The following PRUNE2 variants were observed in gnomAD, a reference collection of about 807,000 sequenced individuals.
The protein encoded by PRUNE2 is prune homolog 2 with BCH domain.
A neutral mutation model predicts 252.0 loss-of-function variants in PRUNE2; 164 were observed. That is an observed-to-expected ratio of 0.65 (90% CI 0.57 to 0.74). PRUNE2 has a LOEUF of 0.74. PRUNE2 is among the 30% of genes least tolerant of loss of function. PRUNE2 has a pLI of 0.00. For synonymous variants in PRUNE2, 1,292 were observed against 1,350.2 expected, an observed-to-expected ratio of 0.96 and a Z score of 0.94; for missense variants, 3,495 against 3,711.0, an observed-to-expected ratio of 0.94 and a Z score of 1.51.
intron 1 of PRUNE2, among the ~76,000 whole-genome samples, chr9:76,878,589 A>G (rs1467089786): frequency 6.6e-6 from 1 of 152,186 alleles, no homozygotes; most frequent in Non-Finnish European, 1.5e-5. Context: ...GGGTAAGAAT[A>G]TTACGTAGTC....
At chr9:76,797,703 G>T (rs1410533777) in intron 6 of PRUNE2, among the ~76,000 whole-genome samples, 2 of 144,110 alleles carry the variant, frequency 1.4e-5, no homozygotes, top group African/African-American at 5.2e-5. Flanking sequence ...CAAGTACACA[G>T]GATCACAAGG....
At chr9:76,896,048 T>C (rs2062802517) in intron 1 of PRUNE2, among the ~76,000 whole-genome samples, 1 of 152,228 alleles carries the variant, frequency 6.6e-6, no homozygotes, top group Non-Finnish European at 1.5e-5. Context: ...GTGCTGGGAT[T>C]ATTGGCATGA....
intron 1 of PRUNE2, among the ~76,000 whole-genome samples, chr9:76,891,055 G>T (rs2062442801): frequency 6.6e-6 from 1 of 152,242 alleles, no homozygotes; most frequent in Non-Finnish European, 1.5e-5. Context: ...TGATACAAAA[G>T]ATTGGTAGGG....
Position 76,655,455 on chromosome 9 carries a change from A to G in PRUNE2, c.8324T>C (p.Val2775Ala), listed in dbSNP as rs751840484. ...VGMDIPFEEG[V>A]LSPSAADMRP... The stretch of plus-strand genomic sequence containing the variant: ...CATGTCTGCAGCACTGGGACTCAGC[A>G]CGCCCTCTTCAAAGGGGATGTCCAT... Residue 2775 changes from valine to alanine, a missense_variant, in exon 10 of 19, where the codon GTG becomes GCG. Coordinates refer to ENST00000376718, the MANE Select transcript of PRUNE2 (RefSeq NM_015225.3). 3.7e-6 allele frequency: 6 copies of G among 1,612,868 alleles called. No homozygotes were observed. Among genetic ancestry groups the G allele is most frequent in the Non-Finnish European group, 5.1e-6 (6 of 1,179,496 alleles).
chr9:76,786,113 G>A (rs1407024869), intron 6 of PRUNE2: 1 of 152,186 alleles, frequency 6.6e-6, no homozygotes, highest in East Asian at 1.9e-4. Context: ...TCAATTCTCA[G>A]CAGAAGCCAG....
chr9:76,706,344 G>T lies in PRUNE2; in HGVS notation c.5930C>A (p.Ala1977Glu). The change falls in exon 8 of 19, where the codon GCA (alanine) becomes GAA (glutamate). Residue 1977 changes from alanine (A) to glutamate (E), a missense_variant. Transcript: ENST00000376718. ...AGATGTAACACAACTATTTTCCTCT[G>T]CGTGAGTAAAGGCTGTGTCCGGATG... ...CDHPDTAFTH[A>E]EENSCVTSNV... 6.2e-7 allele frequency: 1 copy of T among 1,613,952 alleles called. No individual in the cohort carries two copies. The highest frequency in any genetic ancestry group is 1.1e-5 in the South Asian group (1 of 91,092).
intron 9 of PRUNE2, among the ~76,000 whole-genome samples, chr9:76,699,411 A>G (rs191969257): frequency 5.3e-5 from 8 of 152,284 alleles, no homozygotes; most frequent in African/African-American, 1.9e-4. Flanking sequence ...ATTAACATTG[A>G]AATAGGCAGA....
At chr9:76,843,246 T>C (rs1007853758) in intron 4 of PRUNE2, among the ~76,000 whole-genome samples, 1 of 152,142 alleles carries the variant, frequency 6.6e-6, no homozygotes, top group Non-Finnish European at 1.5e-5. Flanking sequence ...ACACCACATG[T>C]TCTCACTCAT....
chr9:76,837,257 C>T (rs2059043891), intron 4 of PRUNE2, among the ~76,000 whole-genome samples: 1 of 152,014 alleles, frequency 6.6e-6, no homozygotes, highest in Admixed American at 6.5e-5. Flanking sequence ...TCCTGGCCAA[C>T]ATGGTGAAAC....
At chr9:76,838,716 GA>G (rs2059213384) in intron 4 of PRUNE2, among the ~76,000 whole-genome samples, 1 of 115,998 alleles carries the variant, frequency 8.6e-6, no homozygotes, top group South Asian at 2.8e-4. Flanking sequence ...TACACACAGT[GA>G]TGTTAAAACT....
chr9:76,774,446 A>T (rs919322091), intron 6 of PRUNE2, among the ~76,000 whole-genome samples: 1 of 58,040 alleles, frequency 1.7e-5, no homozygotes, highest in African/African-American at 1.2e-4. Context: ...CCTCCAGTTC[A>T]ACCCTTTTTT....
Position 76,899,156 on chromosome 9 carries a change from G to A in PRUNE2, c.36+6772C>T, listed in dbSNP as rs189718370. ...CTTGGTACAGTGGTTGGCCTTGGGG[G>A]AGCCCAACTTCTAGTCTTTGAGCCA... On this transcript the variant is annotated intron_variant, in intron 1 of 18. Coordinates refer to ENST00000376718, the MANE Select transcript of PRUNE2 (RefSeq NM_015225.3). 2.2e-3 allele frequency among the ~76,000 whole-genome samples: 331 copies of A among 152,316 alleles called. 2 individuals carry two copies. Among genetic ancestry groups the A allele is most frequent in the Middle Eastern group, 0.014 (4 of 294 alleles).
intron 6 of PRUNE2, among the ~76,000 whole-genome samples, chr9:76,750,777 A>G (rs1348911971): frequency 2.6e-5 from 4 of 152,194 alleles, no homozygotes; most frequent in African/African-American, 7.2e-5. Flanking sequence ...AGGCGCTTGT[A>G]TGAAAACCAA....
chr9:76,616,794 CAAT>C (rs954999695), intron 18 of PRUNE2, among the ~76,000 whole-genome samples: 2 of 151,944 alleles, frequency 1.3e-5, no homozygotes, highest in African/African-American at 4.8e-5. Context: ...AAGCTATTAA[CAAT>C]GATGCTAATT....
chr9:76,645,706 A>G (rs2133009334), intron 11 of PRUNE2, among the ~76,000 whole-genome samples: 1 of 152,268 alleles, frequency 6.6e-6, no homozygotes, highest in East Asian at 1.9e-4. Context: ...TTTTTACTAG[A>G]AGTATTAGTA....
chr9:76,664,812 C>T (rs1223306348), intron 9 of PRUNE2, among the ~76,000 whole-genome samples: 8 of 152,180 alleles, frequency 5.3e-5, no homozygotes, highest in East Asian at 1.9e-4. Context: ...TGCACCTGGC[C>T]GAGATTATTT....
At chr9:76,904,824 T>C (rs910049795) in intron 1 of PRUNE2, among the ~76,000 whole-genome samples, 6 of 152,220 alleles carry the variant, frequency 3.9e-5, no homozygotes, top group African/African-American at 9.6e-5. Flanking sequence ...CACACTTCCG[T>C]CTGCACTCTG....
At chr9:76,655,149 A>C (rs186501683) in intron 10 of PRUNE2, among the ~76,000 whole-genome samples, 33 of 152,330 alleles carry the variant, frequency 2.2e-4, no homozygotes, top group African/African-American at 7.9e-4. Context: ...TACAATATAC[A>C]GTAGCCAATT....
In PRUNE2 at chr9:76,696,923, C is replaced by T. The variant is rs113023585; in HGVS notation, c.8276+6414G>A. On this transcript the variant is annotated intron_variant, in intron 9 of 18. Coordinates refer to ENST00000376718, the MANE Select transcript of PRUNE2 (RefSeq NM_015225.3). ...GGGTCTAGGAAGAATAACAGCCGTA[C>T]TGCTCCTGTTCTTGGGCTACGCACT... 6.2e-3 allele frequency among the ~76,000 whole-genome samples: 939 copies of T among 152,368 alleles called. 12 individuals carry two copies. The highest frequency in any genetic ancestry group is 0.021 in the African/African-American group (884 of 41,586).
Sources: gnomAD v4.1 joint callset for allele counts (sites outside exome capture counted in the v4.1 genomes callset) on GRCh38, gnomAD v4.1.1 for gene constraint, MANE v1.5 for transcripts, NCBI Gene and HGNC (gene_info 2026-07-23, HGNC 2026-07-21) for gene names.